Variants in ADD3 observed in about 807,000 individuals in gnomAD.
ADD3 encodes the protein gamma-adducin.
In ADD3, 25 loss-of-function variants were observed where a neutral mutation model predicts 80.2. That is an observed-to-expected ratio of 0.31 (90% CI 0.23 to 0.44). The LOEUF (loss-of-function observed/expected upper bound fraction) is 0.44. Ranked by LOEUF, ADD3 falls within the 20% of genes least tolerant of loss-of-function variation. The probability of loss-of-function intolerance (pLI) is 1.00; values close to 1 mark genes in which losing one functional copy is unlikely to be tolerated. For missense variants in ADD3, 829 were observed against 847.5 expected (o/e 0.98, Z 0.27); for synonymous variants, 284 against 289.6 (o/e 0.98, Z 0.20).
intron 1 of ADD3, among the ~76,000 whole-genome samples, chr10:110,018,148 CA>C (rs879319009): frequency 6.8e-4 from 104 of 152,224 alleles, no homozygotes; most frequent in Non-Finnish European, 1.2e-3. Flanking sequence ...AACAACAATG[CA>C]AAATATGTTA....
At chr10:110,117,877 G>C (rs1312755570) in intron 5 of ADD3, among the ~76,000 whole-genome samples, 1 of 152,078 alleles carries the variant, frequency 6.6e-6, no homozygotes, top group African/African-American at 2.4e-5. Context: ...TTAGCTGGGC[G>C]TGGTGGCACA....
chr10:110,068,636 C>T (rs930462154), intron 1 of ADD3, among the ~76,000 whole-genome samples: 3 of 152,178 alleles, frequency 2.0e-5, no homozygotes, highest in South Asian at 2.1e-4. Context: ...TTGAGGATTT[C>T]CTACTCCAGG....
At chr10:110,012,647 A>C (rs1032315244) in intron 1 of ADD3, among the ~76,000 whole-genome samples, 2 of 152,192 alleles carry the variant, frequency 1.3e-5, no homozygotes, top group Admixed American at 1.3e-4. Context: ...TAAAAGGCTT[A>C]CTGTTCTTGT....
At chr10:110,054,274 A>G (rs185773960) in intron 1 of ADD3, among the ~76,000 whole-genome samples, 4 of 152,270 alleles carry the variant, frequency 2.6e-5, no homozygotes, top group Middle Eastern at 3.4e-3. Context: ...ATAAAGATTA[A>G]GAGCCATAAA....
chr10:110,122,792 A>T (rs951079645), intron 9 of ADD3, among the ~76,000 whole-genome samples: 4 of 140,976 alleles, frequency 2.8e-5, no homozygotes, highest in African/African-American at 7.8e-5. Context: ...TGGCTAATTT[A>T]TTTTTTTTTT....
In ADD3 at chr10:110,119,540, T is replaced by G; in HGVS notation, c.936T>G (p.Asn312Lys). The G allele has an allele frequency of 6.2e-7, 1 of 1,614,044 alleles. No individual in the cohort carries two copies. The highest frequency in any genetic ancestry group is 8.5e-7 in the Non-Finnish European group (1 of 1,179,884). Residue 312 changes from asparagine (N) to lysine (K), a missense_variant, in exon 8 of 15, where the codon AAT becomes AAG. Coordinates refer to ENST00000356080, the MANE Select transcript of ADD3 (RefSeq NM_016824.5). The part of the protein sequence containing the change: ...TLEEAFHYIF[N>K]VQLACEIQVQ... ...AGGAGGCTTTTCATTATATTTTTAA[T>G]GTGCAACTAGCCTGTGAGATTCAGG...
intron 1 of ADD3, among the ~76,000 whole-genome samples, chr10:110,027,332 T>G (rs1854432163): frequency 1.3e-5 from 2 of 152,176 alleles, no homozygotes; most frequent in African/African-American, 4.8e-5. Context: ...ACTACCTGCA[T>G]GGTATAATTT....
chr10:110,125,378 C>G (rs1852011769), intron 10 of ADD3, among the ~76,000 whole-genome samples: 1 of 151,756 alleles, frequency 6.6e-6, no homozygotes, highest in Admixed American at 6.6e-5. Flanking sequence ...TTTCTGTCAG[C>G]CAAAAATAAA....
chr10:110,097,766 T>C (rs1333488736), intron 1 of ADD3, among the ~76,000 whole-genome samples: 1 of 146,004 alleles, frequency 6.8e-6, no homozygotes, highest in Non-Finnish European at 1.5e-5. Context: ...AGTTCCTTAG[T>C]CTTTGTTTTT....
At chr10:110,038,095 A>G (rs1855882609) in intron 1 of ADD3, among the ~76,000 whole-genome samples, 1 of 148,058 alleles carries the variant, frequency 6.8e-6, no homozygotes, top group African/African-American at 2.5e-5. Flanking sequence ...AAAAAAAAAG[A>G]TATTTGGAAA....
rs139821465 is a variant in ADD3, at chr10:110,065,895, C to T, written c.-29-34730C>T. Among the ~76,000 whole-genome samples the T allele has an allele frequency of 4.6e-3, 695 of 151,954 alleles. 4 individuals are homozygous for T. The highest frequency in any genetic ancestry group is 0.012 in the African/African-American group (518 of 41,476). On this transcript the variant is annotated intron_variant, in intron 1 of 14. Coordinates refer to ENST00000356080, the MANE Select transcript of ADD3 (RefSeq NM_016824.5). ...TCTTTGTGTCTCTGTGCTTCATTCT[C>T]GCTAGTTTTTTCAAGTATGTATTTT... is the stretch of plus-strand genomic sequence containing the variant.
intron 1 of ADD3, among the ~76,000 whole-genome samples, chr10:110,008,757 GTTGT>G (rs1299438055): frequency 6.6e-6 from 1 of 152,144 alleles, no homozygotes; most frequent in Non-Finnish European, 1.5e-5. Context: ...GTTGGTTTTA[GTTGT>G]TTTTCTCCTC....
rs191874527 is a variant in ADD3 at position 110,087,090 on chromosome 10, G to A, written c.-29-13535G>A. On this transcript the variant is annotated intron_variant, in intron 1 of 14. Coordinates refer to ENST00000356080, the MANE Select transcript of ADD3 (RefSeq NM_016824.5). The stretch of plus-strand genomic sequence containing the variant: ...CACCCAGGCTGGAGTGCAGTGGCAC[G>A]CCATCTCAGCTCACTGCAACCTCTG... Among the ~76,000 whole-genome samples, 259 of 151,988 alleles carry A rather than the reference G, an allele frequency of 1.7e-3. 4 individuals carry two copies. The highest frequency in any genetic ancestry group is 9.9e-4 in the Non-Finnish European group (67 of 67,962).
Position 110,121,783 on chromosome 10 carries a change from A to T in ADD3, c.961-327A>T, listed in dbSNP as rs1205717415. On this transcript the variant is annotated intron_variant, in intron 8 of 14. Coordinates refer to ENST00000356080, the MANE Select transcript of ADD3 (RefSeq NM_016824.5). ...TAAAATTATAGCTTTTAGCAAAAGTATTAACTGGATAACCCTGGGAAAACT... is the reference window on the plus strand; with the variant it reads ...TAAAATTATAGCTTTTAGCAAAAGTTTTAACTGGATAACCCTGGGAAAACT... The T allele has an allele frequency of 2.2e-5, 4 of 182,512 alleles. No homozygotes were observed. The East Asian group carries it at 5.5e-4, about 25-fold the overall frequency. 11.3% of individuals were successfully genotyped at this position (182,512 alleles called of 1,614,324 possible).
At chr10:110,129,243 G>T (rs1394071815) in intron 12 of ADD3, among the ~76,000 whole-genome samples, 1 of 150,498 alleles carries the variant, frequency 6.6e-6, no homozygotes, top group African/African-American at 2.4e-5. Flanking sequence ...TCCGCCTCCC[G>T]GGTTCAAGCC....
chr10:110,069,170 T>TTA (rs925327854), intron 1 of ADD3, among the ~76,000 whole-genome samples: 1 of 152,206 alleles, frequency 6.6e-6, no homozygotes, highest in African/African-American at 2.4e-5. Flanking sequence ...TTTAAATAAT[T>TTA]TACATAAATA....
intron 1 of ADD3, among the ~76,000 whole-genome samples, chr10:110,027,690 A>G (rs1274561113): frequency 6.6e-6 from 1 of 152,176 alleles, no homozygotes; most frequent in Non-Finnish European, 1.5e-5. Context: ...TCAGGTGAGA[A>G]TTCCTCCACT....
At position 110,062,414 on chromosome 10, in the gene ADD3, C is replaced by CAAA. The variant is rs61291710; in HGVS notation, c.-29-38197_-29-38195dup. Among the ~76,000 whole-genome samples the CAAA allele has an allele frequency of 1.9e-3, 207 of 107,426 alleles. 4 individuals carry two copies. The highest frequency in any genetic ancestry group is 6.2e-3 in the African/African-American group (196 of 31,594). 70.5% of individuals were successfully genotyped at this position (107,426 alleles called of 152,430 possible). ...AAGCAGCAAGAGTGAAACTCCATCT[C>CAAA]AAAAAAAAAAAAAAAAGATAGCTGG... On this transcript the variant is annotated intron_variant, in intron 1 of 14. Transcript: ENST00000356080.
chr10:110,090,890 A>G (rs572623074), intron 1 of ADD3, among the ~76,000 whole-genome samples: 1 of 152,310 alleles, frequency 6.6e-6, no homozygotes, highest in African/African-American at 2.4e-5. Context: ...ACTAAGGCTC[A>G]GTCCTAACTT....
Sources: gnomAD v4.1 joint callset for allele counts (sites outside exome capture counted in the v4.1 genomes callset) on GRCh38, gnomAD v4.1.1 for gene constraint, MANE v1.5 for transcripts, NCBI Gene and HGNC (gene_info 2026-07-23, HGNC 2026-07-21) for gene names.